Variants in PTPRO observed in about 807,000 individuals in gnomAD.
PTPRO encodes receptor-type tyrosine-protein phosphatase O.
Under a neutral mutation model 145.2 loss-of-function variants are expected in PTPRO, and 62 were observed. The observed-to-expected ratio is 0.43, with a 90% CI of 0.35 to 0.53. PTPRO has a LOEUF of 0.53. PTPRO is among the 20% of genes least tolerant of loss of function. The pLI is 0.01. For missense variants in PTPRO, 1,345 were observed against 1,482.7 expected (o/e 0.91, Z 1.53); for synonymous variants, 565 against 514.7 (o/e 1.10, Z -1.32).
intron 2 of PTPRO, among the ~76,000 whole-genome samples, chr12:15,496,567 A>G (rs561304577): frequency 3.3e-5 from 5 of 152,302 alleles, no homozygotes; most frequent in African/African-American, 1.2e-4. Context: ...GCAGGCATAT[A>G]TCGATCATGG....
intron 12 of PTPRO, among the ~76,000 whole-genome samples, chr12:15,534,340 C>G (rs894224519): frequency 2.6e-5 from 4 of 152,164 alleles, no homozygotes; most frequent in African/African-American, 9.7e-5. Context: ...TTGGACACAT[C>G]ACAAATAGCT....
In PTPRO at chr12:15,583,117, T is replaced by G. The variant is rs142962183; in HGVS notation, c.3255+1316T>G. 2.1e-4 allele frequency among the ~76,000 whole-genome samples: 32 copies of G among 152,362 alleles called. No homozygotes were observed. In the East Asian group the frequency reaches 5.4e-3, roughly 26 times the overall value. On this transcript the variant is annotated intron_variant, in intron 23 of 26. Coordinates refer to ENST00000281171, the MANE Select transcript of PTPRO (RefSeq NM_030667.3). ...TAAGGAAATAGCAAACTGTAGCCTGTGGACCAAATTTACCCACTGCCTTTT... is the reference window on the plus strand; with the variant it reads ...TAAGGAAATAGCAAACTGTAGCCTGGGGACCAAATTTACCCACTGCCTTTT...
At chr12:15,362,701 A>G (rs1243729529) in intron 1 of PTPRO, among the ~76,000 whole-genome samples, 1 of 151,784 alleles carries the variant, frequency 6.6e-6, no homozygotes, top group Non-Finnish European at 1.5e-5. Context: ...CCACACATCA[A>G]AAAAAAAGAT....
At chr12:15,595,648 A>G (rs1156296423) in intron 26 of PTPRO, 1 of 157,226 alleles carries the variant, frequency 6.4e-6, no homozygotes, top group Middle Eastern at 3.1e-3. Flanking sequence ...GGTGTAAGTA[A>G]ACTTGGCTGA....
rs567701497 is a variant in PTPRO, at chr12:15,484,487, A to G, written c.349+240A>G. ...AAAGTAAACCTCAATGATGTAGTAT[A>G]TTTTGAGACTGAGTAACAATTTCAA... is the stretch of plus-strand genomic sequence containing the variant. On this transcript the variant is annotated intron_variant, in intron 2 of 26. Coordinates refer to ENST00000281171, the MANE Select transcript of PTPRO (RefSeq NM_030667.3). 1.3e-5 allele frequency among the ~76,000 whole-genome samples: 2 copies of G among 152,280 alleles called. 1 individual carries two copies. Among genetic ancestry groups the G allele is most frequent in the South Asian group, 4.1e-4 (2 of 4,820 alleles).
intron 1 of PTPRO, among the ~76,000 whole-genome samples, chr12:15,433,126 G>A (rs946349034): frequency 6.7e-6 from 1 of 149,760 alleles, no homozygotes; most frequent in Non-Finnish European, 1.5e-5. Flanking sequence ...CAATATCCAG[G>A]ATGGTACTGC....
At chr12:15,541,229 A>G (rs1943174182) in intron 12 of PTPRO, among the ~76,000 whole-genome samples, 1 of 152,224 alleles carries the variant, frequency 6.6e-6, no homozygotes, top group African/African-American at 2.4e-5. Context: ...ATGTTCCATA[A>G]CTAATATCTA....
At chr12:15,419,251 G>A (rs1266448342) in intron 1 of PTPRO, among the ~76,000 whole-genome samples, 1 of 148,500 alleles carries the variant, frequency 6.7e-6, no homozygotes, top group Non-Finnish European at 1.5e-5. Flanking sequence ...AGTAACGATA[G>A]GAGCATTTTG....
At chr12:15,525,978 T>A (rs976872217) in intron 11 of PTPRO, among the ~76,000 whole-genome samples, 164 bp from the exon 12 acceptor site, 1 of 152,188 alleles carries the variant, frequency 6.6e-6, no homozygotes, top group Non-Finnish European at 1.5e-5. Context: ...AGCTGAGGAA[T>A]TTATAAAATT....
chr12:15,459,722 G>A (rs1392869266), intron 1 of PTPRO, among the ~76,000 whole-genome samples: 1 of 152,172 alleles, frequency 6.6e-6, no homozygotes, highest in African/African-American at 2.4e-5. Context: ...ATTCTTGAAT[G>A]CCTTCTATGT....
At chr12:15,498,414 C>T (rs1942151098) in intron 3 of PTPRO, among the ~76,000 whole-genome samples, 1 of 151,972 alleles carries the variant, frequency 6.6e-6, no homozygotes, top group Non-Finnish European at 1.5e-5. Flanking sequence ...AAAATCTAGC[C>T]GGGCGTGGTG....
intron 18 of PTPRO, 125 bp from the exon 19 acceptor site, chr12:15,569,292 C>T: frequency 1.2e-6 from 1 of 867,762 alleles, no homozygotes; most frequent in Non-Finnish European, 1.8e-6. Flanking sequence ...AAGGTGAGTG[C>T]TAACCTTAGA....
intron 12 of PTPRO, among the ~76,000 whole-genome samples, chr12:15,530,509 C>A (rs1243636343): frequency 6.6e-6 from 1 of 152,078 alleles, no homozygotes; most frequent in Non-Finnish European, 1.5e-5. Context: ...TCAAAAAGTA[C>A]ATATCATATC....
rs1591737125 is a variant in PTPRO at position 15,358,083 on chromosome 12, G to T, written c.75+35282G>T. 2.0e-5 allele frequency among the ~76,000 whole-genome samples: 3 copies of T among 151,690 alleles called. No homozygotes were observed. In the South Asian group the frequency reaches 6.3e-4, roughly 32 times the overall value. Reference sequence around the variant, plus strand: ...AAAAAATGATGAGTTCATTTCCTTTGTAGGGACATGGATGAAATTGGAAAT... The same window carrying T: ...AAAAAATGATGAGTTCATTTCCTTTTTAGGGACATGGATGAAATTGGAAAT... On this transcript the variant is annotated intron_variant, in intron 1 of 26. Transcript: ENST00000281171.
At position 15,388,319 on chromosome 12, in the gene PTPRO, T is replaced by C. The variant is rs1001789703; in HGVS notation, c.75+65518T>C. 7.9e-5 allele frequency among the ~76,000 whole-genome samples: 12 copies of C among 152,320 alleles called. No homozygotes were observed. In the East Asian group the frequency reaches 2.3e-3, roughly 29 times the overall value. The stretch of plus-strand genomic sequence containing the variant: ...ATTATTGCATATAAATTTTATATAC[T>C]TCTTTTAGATAATATAGAAGAGATA... On this transcript the variant is annotated intron_variant, in intron 1 of 26. Coordinates refer to ENST00000281171, the MANE Select transcript of PTPRO (RefSeq NM_030667.3).
At chr12:15,390,200 G>A (rs1939150432) in intron 1 of PTPRO, among the ~76,000 whole-genome samples, 1 of 152,084 alleles carries the variant, frequency 6.6e-6, no homozygotes, top group Non-Finnish European at 1.5e-5. Context: ...ATTACTTAAG[G>A]TTGGAATTTA....
intron 1 of PTPRO, among the ~76,000 whole-genome samples, chr12:15,324,892 G>T (rs1866404200): frequency 6.6e-6 from 1 of 152,110 alleles, no homozygotes; most frequent in Non-Finnish European, 1.5e-5. Flanking sequence ...GGTGCGTTGG[G>T]CACATGGTAT....
At chr12:15,591,974 AG>A (rs1183785920) in intron 25 of PTPRO, among the ~76,000 whole-genome samples, 6 of 152,158 alleles carry the variant, frequency 3.9e-5, no homozygotes, top group Non-Finnish European at 8.8e-5. Context: ...AAGTCAGCAA[AG>A]GGGGCAGAGG....
intron 1 of PTPRO, among the ~76,000 whole-genome samples, chr12:15,451,589 A>G (rs2136379440): frequency 6.6e-6 from 1 of 152,350 alleles, no homozygotes; most frequent in Non-Finnish European, 1.5e-5. Flanking sequence ...AGACCAGATG[A>G]TAGGCCACAA....
Sources: gnomAD v4.1 joint callset for allele counts (sites outside exome capture counted in the v4.1 genomes callset) on GRCh38, gnomAD v4.1.1 for gene constraint, MANE v1.5 for transcripts, NCBI Gene and HGNC (gene_info 2026-07-23, HGNC 2026-07-21) for gene names.